The following INTS3 variants were observed in gnomAD, a reference collection of about 807,000 sequenced individuals.
INTS3 encodes SOSS complex subunit A.
In INTS3, 34 loss-of-function variants were observed where a neutral mutation model predicts 146.3. The ratio of observed to expected loss-of-function variants is 0.23; its 90% CI spans 0.18 to 0.31. The LOEUF is 0.31. Among genes scored for constraint, INTS3 ranks in the 10% least tolerant of loss-of-function variants. The pLI is 1.00. For synonymous variants in INTS3, 475 were observed against 494.9 expected, an observed-to-expected ratio of 0.96 and a Z score of 0.53; for missense variants, 757 against 1,304.2, an observed-to-expected ratio of 0.58 and a Z score of 6.46.
intron 1 of INTS3, among the ~76,000 whole-genome samples, chr1:153,740,289 G>A (rs975428750): frequency 2.0e-5 from 3 of 151,332 alleles, no homozygotes; most frequent in African/African-American, 7.3e-5. Context: ...CAGTAGAGAC[G>A]GGGTTTCACC....
intron 24 of INTS3, 22 bp downstream of exon 24, chr1:153,770,333 G>C: frequency 1.4e-6 from 2 of 1,382,852 alleles, no homozygotes; most frequent in Non-Finnish European, 1.0e-6. Flanking sequence ...TTTGGGTAGG[G>C]AGCACATCAG....
intron 1 of INTS3, among the ~76,000 whole-genome samples, chr1:153,736,174 A>G (rs955018546): frequency 6.6e-6 from 1 of 152,184 alleles, no homozygotes; most frequent in South Asian, 2.1e-4. Context: ...CTCAGCCTTC[A>G]TGTGACCTCA....
chr1:153,759,274 GAA>G (rs11296120), intron 10 of INTS3, among the ~76,000 whole-genome samples: 143 of 143,380 alleles, frequency 1.0e-3, no homozygotes, highest in Middle Eastern at 3.6e-3. Context: ...ACCCTGTCTG[GAA>G]AAAAAAAAAA....
rs1670921872 is a variant in INTS3, at chr1:153,728,195, G to C, written c.-440G>C. ...AAGGCGCTGCACTCCCCAAGCCTTGGGGCATCAGCCAGGAAGGTTTCCTAC... is the reference window on the plus strand; with the variant it reads ...AAGGCGCTGCACTCCCCAAGCCTTGCGGCATCAGCCAGGAAGGTTTCCTAC... On this transcript the variant is annotated 5_prime_UTR_variant, in exon 1 of 30. Coordinates refer to ENST00000318967, the MANE Select transcript of INTS3 (RefSeq NM_023015.5). The C allele has an allele frequency of 5.0e-6, 2 of 398,146 alleles. No homozygotes were observed. Among genetic ancestry groups the C allele is most frequent in the Admixed American group, 4.4e-5 (1 of 22,686 alleles). The allele number at this position is 398,146 out of a possible 1,614,324, so 24.7% of individuals were successfully genotyped here.
intron 1 of INTS3, among the ~76,000 whole-genome samples, chr1:153,740,432 T>A (rs763123129): frequency 3.9e-5 from 6 of 152,196 alleles, no homozygotes; most frequent in African/African-American, 7.2e-5. Context: ...TTCCCTCACT[T>A]TTTTTCTTGC....
At chr1:153,744,087 TCTG>T (rs1671640712) in intron 3 of INTS3, among the ~76,000 whole-genome samples, 1 of 148,886 alleles carries the variant, frequency 6.7e-6, no homozygotes, top group Admixed American at 6.7e-5. Flanking sequence ...GTGTGTTTCA[TCTG>T]CTGCTTTTCC....
Position 153,770,283 on chromosome 1 carries a change from C to A in INTS3, c.2475C>A (p.Ile825=), listed in dbSNP as rs765144661. The A allele has an allele frequency of 6.2e-7, 1 of 1,611,680 alleles. No individual in the cohort carries two copies. Among genetic ancestry groups the A allele is most frequent in the African/African-American group, 1.3e-5 (1 of 74,838 alleles). ...LAHNIPLETI[I]PILQHLKYKE... is the part of the protein sequence containing the mutation. ...ACAATATTCCCCTGGAGACCATAAT[C>A]CCCATCCTGCAGCACCTCAAATACA... The change falls in exon 24 of 30, where the codon ATC becomes ATA. Residue 825 remains isoleucine, a synonymous_variant. Coordinates refer to ENST00000318967, the MANE Select transcript of INTS3 (RefSeq NM_023015.5).
rs985526056 is a variant in INTS3, at chr1:153,750,390, C to T, written c.585-705C>T. Among the ~76,000 whole-genome samples, 4 of 152,172 alleles carry T rather than the reference C, an allele frequency of 2.6e-5. No homozygotes were observed. In the South Asian group the frequency reaches 6.2e-4, roughly 24 times the overall value. ...ACAAATCTTTCATTACCCCCTTTTCCCTCAGGGATATTCTGAAACTCATGG... is the reference window on the plus strand; with the variant it reads ...ACAAATCTTTCATTACCCCCTTTTCTCTCAGGGATATTCTGAAACTCATGG... On this transcript the variant is annotated intron_variant, in intron 6 of 29. Coordinates refer to ENST00000318967, the MANE Select transcript of INTS3 (RefSeq NM_023015.5).
At chr1:153,768,016 C>T (rs1672664588) in intron 21 of INTS3, among the ~76,000 whole-genome samples, 189 bp downstream of exon 21, 1 of 152,156 alleles carries the variant, frequency 6.6e-6, no homozygotes, top group Non-Finnish European at 1.5e-5. Flanking sequence ...ATTTCTAAAA[C>T]TCCCTGAATT....
chr1:153,760,732 C>T (rs1235668954), intron 12 of INTS3, 95 bp from the exon 13 acceptor site: 3 of 1,005,134 alleles, frequency 3.0e-6, no homozygotes, highest in Non-Finnish European at 4.8e-6. Flanking sequence ...CCCAGTGTCC[C>T]CTGATCAAAA....
intron 19 of INTS3, 57 bp downstream of exon 19, chr1:153,764,791 C>A: frequency 1.3e-6 from 2 of 1,488,362 alleles, no homozygotes; most frequent in Non-Finnish European, 1.9e-6. Flanking sequence ...TGACAGCACA[C>A]ACATGTGCTC....
intron 3 of INTS3, among the ~76,000 whole-genome samples, chr1:153,744,437 C>T (rs1276557362): frequency 6.6e-6 from 1 of 152,206 alleles, no homozygotes; most frequent in African/African-American, 2.4e-5. Context: ...GGGGAGGGTC[C>T]AGGACTTAAC....
chr1:153,767,410 G>C, intron 20 of INTS3: 1 of 390,616 alleles, frequency 2.6e-6, no homozygotes, highest in Non-Finnish European at 4.6e-6. Context: ...TTCTGTTCCT[G>C]ACTCTCATCC....
At chr1:153,764,458 T>C (rs894208512) in intron 18 of INTS3, among the ~76,000 whole-genome samples, 2 of 152,250 alleles carry the variant, frequency 1.3e-5, no homozygotes, top group African/African-American at 4.8e-5. Context: ...CCAGTAACTC[T>C]AATCTGCTGA....
rs772925471 is a variant in INTS3 at position 153,747,016 on chromosome 1, C to T, written c.378C>T (p.Ile126=). 1.5e-5 allele frequency: 24 copies of T among 1,613,798 alleles called. No homozygotes were observed. The change falls in exon 4 of 30, where the codon ATC becomes ATT. Residue 126 remains isoleucine (I), a synonymous_variant. Transcript: ENST00000318967. ...RDGMNIVLNK[I]NQILMEKYLK... Reference sequence around the variant, plus strand: ...GCATGAATATTGTCCTGAATAAAATCAACCAGATACTTATGGAGAAGTACC... The same window carrying T: ...GCATGAATATTGTCCTGAATAAAATTAACCAGATACTTATGGAGAAGTACC...
chr1:153,771,431 G>C (rs1261176412), intron 25 of INTS3, among the ~76,000 whole-genome samples: 1 of 152,160 alleles, frequency 6.6e-6, no homozygotes, highest in Non-Finnish European at 1.5e-5. Flanking sequence ...CTGGAAGCCA[G>C]GTTGGCCCAC....
chr1:153,766,651 A>G (rs1672598452), intron 20 of INTS3: 1 of 151,356 alleles, frequency 6.6e-6, no homozygotes, highest in East Asian at 1.9e-4. Flanking sequence ...CCTATTTTTA[A>G]TTGAGTTATT....
Position 153,774,029 on chromosome 1 carries a change from A to T in INTS3, c.*759A>T, listed in dbSNP as rs1188057374. ...TTTTGTTTTTTTTTTGGCAGAGATA[A>T]TCGTGTCTTAAAAGTTGTTTTTAAA... is the stretch of plus-strand genomic sequence containing the variant. On this transcript the variant is annotated 3_prime_UTR_variant, in exon 30 of 30. Coordinates refer to ENST00000318967, the MANE Select transcript of INTS3 (RefSeq NM_023015.5). The T allele has an allele frequency of 2.5e-5, 4 of 160,922 alleles. No individual in the cohort carries two copies. Among genetic ancestry groups the T allele is most frequent in the South Asian group, 4.2e-4 (2 of 4,780 alleles). 10.0% of individuals were successfully genotyped at this position (160,922 alleles called of 1,614,324 possible). A position where few individuals can be genotyped will look rare whatever the true frequency, so the allele number is the denominator to read the frequency against.
intron 3 of INTS3, among the ~76,000 whole-genome samples, chr1:153,746,401 T>G (rs1249974084): frequency 1.3e-5 from 2 of 152,094 alleles, no homozygotes; most frequent in African/African-American, 2.4e-5. Context: ...TTCTCTCCCC[T>G]GCCCCCGAGA....
Sources: gnomAD v4.1 joint callset for allele counts (sites outside exome capture counted in the v4.1 genomes callset) on GRCh38, gnomAD v4.1.1 for gene constraint, MANE v1.5 for transcripts, NCBI Gene and HGNC (gene_info 2026-07-23, HGNC 2026-07-21) for gene names.